CRB1: variants seen among roughly 807,000 people sequenced by gnomAD.
CRB1 encodes the protein protein crumbs homolog 1.
CRB1 carries 83 observed loss-of-function variants against 120.0 expected under a neutral mutation model. That is an observed-to-expected ratio of 0.69 (90% CI 0.58 to 0.83). The LOEUF (loss-of-function observed/expected upper bound fraction) is 0.83. Among genes scored for constraint, CRB1 ranks in the 40% least tolerant of loss-of-function variants. CRB1 has a pLI of 0.00. For missense variants in CRB1, 1,699 were observed against 1,687.6 expected (o/e 1.01, Z -0.12); for synonymous variants, 625 against 612.5 (o/e 1.02, Z -0.30).
At chr1:197,350,208 C>T (rs1405093110) in intron 4 of CRB1, among the ~76,000 whole-genome samples, 7 of 151,780 alleles carry the variant, frequency 4.6e-5, no homozygotes, top group African/African-American at 7.3e-5. Flanking sequence ...AAGCAGAGGG[C>T]GGAGTGGATG....
intron 5 of CRB1, among the ~76,000 whole-genome samples, chr1:197,364,942 G>T (rs907923185): frequency 3.3e-5 from 5 of 152,064 alleles, no homozygotes; most frequent in Admixed American, 2.6e-4. Flanking sequence ...GTGATGACAT[G>T]ATTTTGAATT....
the CRB1 span, among the ~76,000 whole-genome samples, chr1:197,250,422 T>G: frequency 1.4e-4 from 22 of 152,056 alleles, no homozygotes; most frequent in Non-Finnish European, 2.8e-4. Flanking sequence ...TTTTTAAATA[T>G]AGATGACTAG....
At chr1:197,443,819 T>C (rs1447022000) in intron 11 of CRB1, 1 of 152,056 alleles carries the variant, frequency 6.6e-6, no homozygotes, top group Non-Finnish European at 1.5e-5. Context: ...AAAAACTTTC[T>C]TAATGTTTTT....
chr1:197,475,511 A>T (rs1470001339), intron 11 of CRB1, among the ~76,000 whole-genome samples: 1 of 152,134 alleles, frequency 6.6e-6, no homozygotes, highest in Non-Finnish European at 1.5e-5. Context: ...ATCTCTTATC[A>T]TGACTAATAA....
chr1:197,444,503 G>A (rs1329716323), intron 11 of CRB1: 1 of 152,186 alleles, frequency 6.6e-6, no homozygotes, highest in Non-Finnish European at 1.5e-5. Flanking sequence ...CAGACCATAT[G>A]TATAGTTTTC....
chr1:197,276,073 C>G (rs569610844), intron 1 of CRB1, among the ~76,000 whole-genome samples: 14 of 151,804 alleles, frequency 9.2e-5, no homozygotes, highest in Non-Finnish European at 1.6e-4. Flanking sequence ...TTCGTTGCAA[C>G]ATGCTAAGTA....
intron 1 of CRB1, among the ~76,000 whole-genome samples, chr1:197,271,239 A>G (rs920980173): frequency 2.6e-5 from 4 of 152,282 alleles, no homozygotes; most frequent in South Asian, 2.1e-4. Context: ...TCAGTTATTA[A>G]TATCATATTA....
At chr1:197,407,908 G>A (rs1372105796) in intron 5 of CRB1, among the ~76,000 whole-genome samples, 2 of 152,098 alleles carry the variant, frequency 1.3e-5, no homozygotes, top group Non-Finnish European at 1.5e-5. Context: ...ATTGAATAAA[G>A]ACTAAAGTTG....
chr1:197,287,532 G>A (rs1290559394), intron 1 of CRB1, among the ~76,000 whole-genome samples: 1 of 151,842 alleles, frequency 6.6e-6, no homozygotes, highest in Non-Finnish European at 1.5e-5. Context: ...ATTGATGATG[G>A]TGGTCTCTGT....
chr1:197,266,972 G>A (rs114728845), upstream of CRB1, among the ~76,000 whole-genome samples: 17 of 152,138 alleles, frequency 1.1e-4, no homozygotes, highest in Non-Finnish European at 1.9e-4. Flanking sequence ...GAATGGTATC[G>A]TTGCAAAAGG....
chr1:197,209,093 A>G, the CRB1 span, among the ~76,000 whole-genome samples: 1 of 152,102 alleles, frequency 6.6e-6, no homozygotes, highest in Non-Finnish European at 1.5e-5. Context: ...AACAGCATCA[A>G]GTTTATTTCC....
At chr1:197,265,648 T>A (rs1181224582), upstream of CRB1, among the ~76,000 whole-genome samples, 1 of 152,232 alleles carries the variant, frequency 6.6e-6, no homozygotes, top group African/African-American at 2.4e-5. Flanking sequence ...ATTCTTCATT[T>A]TTATGAATGA....
intron 8 of CRB1, among the ~76,000 whole-genome samples, chr1:197,432,553 T>A (rs1403607580): frequency 3.3e-5 from 5 of 152,166 alleles, no homozygotes; most frequent in Non-Finnish European, 5.9e-5. Context: ...TCATAGAGTA[T>A]TCATTTAATT....
intron 4 of CRB1, among the ~76,000 whole-genome samples, chr1:197,355,573 C>T (rs1378946086): frequency 1.3e-5 from 2 of 152,200 alleles, no homozygotes; most frequent in Non-Finnish European, 2.9e-5. Context: ...GCGAGAATTC[C>T]AGAGCAGCAC....
chr1:197,388,180 A>G (rs1571450322), intron 5 of CRB1, among the ~76,000 whole-genome samples: 1 of 152,074 alleles, frequency 6.6e-6, no homozygotes. Flanking sequence ...AACATCTGAA[A>G]TGAAAATTAT....
At chr1:197,214,556 A>G in the CRB1 span, among the ~76,000 whole-genome samples, 1 of 152,198 alleles carries the variant, frequency 6.6e-6, no homozygotes, top group Middle Eastern at 3.2e-3. Context: ...ACAACTATAC[A>G]CTGATAAGTT....
chr1:197,443,141 G>GAC, intron 11 of CRB1: 1 of 139,788 alleles, frequency 7.2e-6, no homozygotes, highest in African/African-American at 2.6e-5. Context: ...AAAAAAAAAA[G>GAC]AGAGAATTAC....
chr1:197,257,701 C>T, the CRB1 span, among the ~76,000 whole-genome samples: 54 of 152,220 alleles, frequency 3.5e-4, no homozygotes, highest in Non-Finnish European at 5.7e-4. Context: ...ACATAAATAC[C>T]GCTAATCCAA....
the CRB1 span, among the ~76,000 whole-genome samples, chr1:197,260,728 G>A: frequency 8.1e-5 from 12 of 148,784 alleles, no homozygotes; most frequent in African/African-American, 2.5e-4. Context: ...ACGGAATCTC[G>A]CTCTGTCACC....
Sources: gnomAD v4.1 joint callset for allele counts (sites outside exome capture counted in the v4.1 genomes callset) on GRCh38, gnomAD v4.1.1 for gene constraint, MANE v1.5 for transcripts, NCBI Gene and HGNC (gene_info 2026-07-23, HGNC 2026-07-21) for gene names.